Variants in AGXT observed in about 807,000 individuals in gnomAD.
The protein encoded by AGXT is L-alanine: glyoxylate aminotransferase 1.
Under a neutral mutation model 46.9 loss-of-function variants are expected in AGXT, and 41 were observed. The observed-to-expected ratio is 0.88, with a 90% CI of 0.68 to 1.14. The LOEUF is 1.14. Ranked by LOEUF, AGXT falls within the 50% of genes most tolerant of loss-of-function variation. The pLI, the probability that AGXT is intolerant of heterozygous loss-of-function variation, is 0.00. For missense variants in AGXT, 525 were observed against 522.7 expected, an observed-to-expected ratio of 1.00 and a Z score of -0.04; for synonymous variants, 244 against 227.9, an observed-to-expected ratio of 1.07 and a Z score of -0.64.
chr2:240,874,581 C>G (rs1024912925), intron 6 of AGXT, among the ~76,000 whole-genome samples: 1 of 152,218 alleles, frequency 6.6e-6, no homozygotes, highest in Non-Finnish European at 1.5e-5. Flanking sequence ...ACAGAGAGGA[C>G]TTCGGGGAGA....
At chr2:240,873,594 C>T (rs112320623) in intron 5 of AGXT, 383 of 312,222 alleles carry the variant, frequency 1.2e-3, no homozygotes, top group African/African-American at 7.6e-3. Context: ...CCATGGGAGC[C>T]TGTCTGTTTC....
intron 4 of AGXT, 123 bp from the exon 5 acceptor site, chr2:240,872,856 G>T (rs565415245): frequency 1.2e-6 from 1 of 825,830 alleles, no homozygotes; most frequent in Non-Finnish European, 2.1e-6. Flanking sequence ...TGGGGTGGAG[G>T]TGGGAGGTGC....
intron 8 of AGXT, chr2:240,877,029 A>G: frequency 4.1e-6 from 1 of 242,518 alleles, no homozygotes; most frequent in Admixed American, 4.8e-5. Flanking sequence ...TGGTGGCTGG[A>G]GGCCGGGAGG....
chr2:240,874,070 A>AC lies in AGXT; in HGVS notation c.680+11dup, dbSNP rs1315627050. 1 of 1,612,410 alleles carries AC rather than the reference A, an allele frequency of 6.2e-7. No homozygotes were observed. Among genetic ancestry groups the AC allele is most frequent in the South Asian group, 1.1e-5 (1 of 91,044 alleles). ...CTTCAGTGACAAGGCCAAGTGAGTG[A>AC]CCCACAGACCCTCACCTCTGTGCAG... On this transcript the variant is annotated intron_variant, in intron 6 of 10. Transcript: ENST00000307503.
chr2:240,875,148 C>G lies in AGXT; in HGVS notation c.720C>G (p.Phe240Leu). The G allele has an allele frequency of 6.2e-7, 1 of 1,613,992 alleles. No homozygotes were observed. The highest frequency in any genetic ancestry group is 8.5e-7 in the Non-Finnish European group (1 of 1,179,836). The change falls in exon 7 of 11, where the codon TTC becomes TTG. Residue 240 changes from phenylalanine to leucine, a missense_variant. Phe to Leu is a conservative substitution (Grantham distance 22, BLOSUM62 0). Transcript: ENST00000307503. ...MYSRKTKPFS[F>L]YLDIKWLANF... ...CCCGCAAGACGAAGCCCTTCTCCTT[C>G]TACCTGGACATCAAGTGGCTGGCCA...
At chr2:240,869,946 C>T (rs78377431) in intron 2 of AGXT, among the ~76,000 whole-genome samples, 7,255 of 152,222 alleles carry the variant, frequency 0.048, 232 homozygotes, top group Non-Finnish European at 0.07. Flanking sequence ...GGTTAATACG[C>T]GACCGCAACA....
chr2:240,869,030 G>A lies in AGXT; in HGVS notation c.165G>A (p.Gln55=). The A allele has an allele frequency of 1.2e-6, 2 of 1,612,578 alleles. No homozygotes were observed. The highest frequency in any genetic ancestry group is 2.2e-5 in the South Asian group (2 of 91,078). The change falls in exon 1 of 11, where the codon CAG becomes CAA. Residue 55 remains glutamine, a splice_region_variant and synonymous_variant. Coordinates refer to ENST00000307503, the MANE Select transcript of AGXT (RefSeq NM_000030.3). ...GGTCCATGAGCAAGGATATGTACCA[G>A]GTAGGAGTGGGGGTCACTCGGGGGG... The part of the protein sequence containing the change: ...MIGSMSKDMY[Q]IMDEIKEGIQ...
At chr2:240,874,285 C>T (rs1205330563) in intron 6 of AGXT, among the ~76,000 whole-genome samples, 1 of 152,102 alleles carries the variant, frequency 6.6e-6, no homozygotes, top group African/African-American at 2.4e-5. Context: ...GGTGCAGAGT[C>T]CACTGCTCTG....
chr2:240,870,155 C>A (rs1181584378), intron 2 of AGXT, among the ~76,000 whole-genome samples: 1 of 152,182 alleles, frequency 6.6e-6, no homozygotes, highest in Middle Eastern at 3.2e-3. Context: ...CAGGATAGGG[C>A]AGAGACAGGG....
At chr2:240,872,906 C>T in intron 4 of AGXT, 73 bp from the exon 5 acceptor site, 1 of 1,362,222 alleles carries the variant, frequency 7.3e-7, no homozygotes, top group South Asian at 1.2e-5. Flanking sequence ...AAACCCCATC[C>T]AGCCTGGGGC....
Position 240,870,768 on chromosome 2 carries a change from A to T in AGXT, c.423+60A>T, listed in dbSNP as rs564305705. ...GAGGTGGGAGTGGGCATGCTGGCTC[A>T]GGGGCTGCCTGGAATTGGCCAGCCA... On this transcript the variant is annotated intron_variant, in intron 3 of 10. Coordinates refer to ENST00000307503, the MANE Select transcript of AGXT (RefSeq NM_000030.3). The T allele has an allele frequency of 1.2e-5, 18 of 1,504,324 alleles. No homozygotes were observed. The South Asian group carries it at 1.7e-4, about 14-fold the overall frequency. The allele number at this position is 1,504,324 out of a possible 1,614,324, so 93.2% of individuals were successfully genotyped here.
chr2:240,870,548 C>T, intron 2 of AGXT, 96 bp from the exon 3 acceptor site: 2 of 1,431,532 alleles, frequency 1.4e-6, no homozygotes, highest in South Asian at 2.5e-5. Context: ...TGGGGTCCAG[C>T]CCTCACAGGG....
intron 3 of AGXT, 32 bp downstream of exon 3, chr2:240,870,740 G>C: frequency 6.5e-7 from 1 of 1,546,994 alleles, no homozygotes; most frequent in Non-Finnish European, 8.7e-7. Context: ...TCAGGGCCGG[G>C]AGGAGGTGGG....
Position 240,879,333 on chromosome 2 carries a change from T to G in AGXT, c.*512T>G. On this transcript the variant is annotated 3_prime_UTR_variant, in exon 11 of 11. Transcript: ENST00000307503. Reference sequence around the variant, plus strand: ...GGTGAACCCACACGGCGCACAGGGCTGGTTGGAGACCCCTGTCATGGACAA... The same window carrying G: ...GGTGAACCCACACGGCGCACAGGGCGGGTTGGAGACCCCTGTCATGGACAA... 5.0e-6 allele frequency: 1 copy of G among 200,048 alleles called. No homozygotes were observed. The highest frequency in any genetic ancestry group is 2.0e-3 in the Middle Eastern group (1 of 500). 12.4% of individuals were successfully genotyped at this position (200,048 alleles called of 1,614,324 possible). A position where few individuals can be genotyped will look rare whatever the true frequency, so the allele number is the denominator to read the frequency against.
At chr2:240,871,554 C>T in intron 4 of AGXT, 105 bp downstream of exon 4, 1 of 1,052,570 alleles carries the variant, frequency 9.5e-7, no homozygotes, top group Non-Finnish European at 1.4e-6. Context: ...GTCCCCACCC[C>T]AGCCTCTGTC....
chr2:240,872,821 CAGG>C (rs1361095664), intron 4 of AGXT, among the ~76,000 whole-genome samples, 155 bp from the exon 5 acceptor site: 3 of 152,078 alleles, frequency 2.0e-5, no homozygotes, highest in Admixed American at 1.3e-4. Context: ...TCCTGACAGG[CAGG>C]AGAAGGCAAC....
intron 2 of AGXT, among the ~76,000 whole-genome samples, chr2:240,869,820 C>T (rs1219126926): frequency 2.0e-5 from 3 of 152,160 alleles, no homozygotes; most frequent in Non-Finnish European, 4.4e-5. Context: ...GCAGAGTATT[C>T]GCCTCCGGAG....
Position 240,878,236 on chromosome 2 carries a change from G to A in AGXT, c.1071+86G>A, listed in dbSNP as rs570302635. 39 of 1,568,892 alleles carry A rather than the reference G, an allele frequency of 2.5e-5. No homozygotes were observed. In the African/African-American group the frequency reaches 5.0e-4, roughly 20 times the overall value. On this transcript the variant is annotated intron_variant, in intron 10 of 10. Coordinates refer to ENST00000307503, the MANE Select transcript of AGXT (RefSeq NM_000030.3). ...AGGACTGTGCACCAGGTGCAGGGGAGGCCGGGGTCATCCGAAAGCCCAGAT... is the reference window on the plus strand; with the variant it reads ...AGGACTGTGCACCAGGTGCAGGGGAAGCCGGGGTCATCCGAAAGCCCAGAT...
At chr2:240,872,275 G>A (rs1446690649) in intron 4 of AGXT, among the ~76,000 whole-genome samples, 1 of 151,062 alleles carries the variant, frequency 6.6e-6, no homozygotes, top group African/African-American at 2.4e-5. Context: ...GGAGGAGGGT[G>A]AGAGTTCGTG....
Sources: allele counts gnomAD v4.1 joint callset (sites outside exome capture counted in the v4.1 genomes callset), GRCh38; gene constraint gnomAD v4.1.1; transcripts MANE v1.5; gene names NCBI Gene and HGNC (gene_info 2026-07-23, HGNC 2026-07-21).